Variants in TENT4B observed in about 807,000 individuals in gnomAD.
TENT4B encodes PAP associated domain containing 5.
Under a neutral mutation model 75.0 loss-of-function variants are expected in TENT4B, and 10 were observed. The observed-to-expected ratio is 0.13, with a 90% CI of 0.08 to 0.23. The LOEUF (loss-of-function observed/expected upper bound fraction) is 0.23. Ranked by LOEUF, TENT4B falls within the 10% of genes least tolerant of loss-of-function variation. The probability of loss-of-function intolerance (pLI) is 1.00; values close to 1 mark genes in which losing one functional copy is unlikely to be tolerated. For missense variants in TENT4B, 579 were observed against 893.8 expected, an observed-to-expected ratio of 0.65 and a Z score of 4.49; for synonymous variants, 350 against 357.7, an observed-to-expected ratio of 0.98 and a Z score of 0.24.
At chr16:50,186,977 T>C (rs2038540577) in intron 1 of TENT4B, among the ~76,000 whole-genome samples, 1 of 152,120 alleles carries the variant, frequency 6.6e-6, no homozygotes, top group African/African-American at 2.4e-5. Flanking sequence ...CCCAGGCTGG[T>C]CTTGAACTCC....
intron 1 of TENT4B, among the ~76,000 whole-genome samples, chr16:50,183,381 AT>A (rs2038460901): frequency 6.6e-6 from 1 of 151,150 alleles, no homozygotes; most frequent in African/African-American, 2.4e-5. Context: ...CGGTTGTGGG[AT>A]TTTTGCCTGG....
chr16:50,199,400 G>A (rs1008058300), intron 1 of TENT4B, among the ~76,000 whole-genome samples: 1 of 152,190 alleles, frequency 6.6e-6, no homozygotes, highest in East Asian at 1.9e-4. Flanking sequence ...ACTAGTGGGG[G>A]AGTAAGGGGA....
At chr16:50,211,819 G>A (rs1269982461) in intron 2 of TENT4B, among the ~76,000 whole-genome samples, 1 of 152,044 alleles carries the variant, frequency 6.6e-6, no homozygotes, top group African/African-American at 2.4e-5. Context: ...GCCTGCCAGG[G>A]TAAACATTAT....
Position 50,229,501 on chromosome 16 carries a change from AAAAAC to A in TENT4B, c.*188_*192del, listed in dbSNP as rs1381311553. The A allele has an allele frequency of 1.1e-5, 14 of 1,248,706 alleles. No individual in the cohort carries two copies. The South Asian group carries it at 2.2e-4, about 20-fold the overall frequency. 77.4% of individuals were successfully genotyped at this position (1,248,706 alleles called of 1,614,324 possible). A position where few individuals can be genotyped will look rare whatever the true frequency, so the allele number is the denominator to read the frequency against. On this transcript the variant is annotated 3_prime_UTR_variant, in exon 12 of 12. Coordinates refer to ENST00000561678, the MANE Select transcript of TENT4B (RefSeq NM_001365324.3). The stretch of plus-strand genomic sequence containing the variant: ...GATCATGAAGACTGACAACTGCAAA[AAAAAC>A]AAAACAAAACAAAAAAAAAAGCAAG...
intron 1 of TENT4B, among the ~76,000 whole-genome samples, chr16:50,207,061 GCT>G (rs943690380): frequency 2.0e-5 from 3 of 147,472 alleles, no homozygotes; most frequent in African/African-American, 5.0e-5. Flanking sequence ...TGTTTCTCTT[GCT>G]CTCTCTTTTT....
chr16:50,222,324 T>A lies in TENT4B; in HGVS notation c.1057T>A (p.Tyr353Asn), dbSNP rs1444912976. ...DFTKKYPVLP[Y>N]LVLVLKQFLL... ...TTTTCAGAAATATCCTGTATTGCCA[T>A]ACTTGGTTTTAGTATTGAAACAATT... The change falls in exon 6 of 12, where the codon TAC becomes AAC. Residue 353 changes from tyrosine (Y) to asparagine (N), a missense_variant. Physicochemically the swap from Tyr to Asn is moderately radical, Grantham distance 143 (BLOSUM62 -2). Around this residue, in one of 7 missense-constraint regions of TENT4B, gnomAD observed 71 missense variants for 210.6 expected, o/e 0.34. Transcript: ENST00000561678. 1 of 1,602,370 alleles carries A rather than the reference T, an allele frequency of 6.2e-7. No homozygotes were observed. Among genetic ancestry groups the A allele is most frequent in the Admixed American group, 1.7e-5 (1 of 58,094 alleles).
At chr16:50,152,967 A>C, upstream of TENT4B, 1 of 1,511,406 alleles carries the variant, frequency 6.6e-7, no homozygotes, top group Non-Finnish European at 8.8e-7. Context: ...GGCCTCGTCC[A>C]CGCTCAGCAC....
rs1234494473 is a variant in TENT4B, at chr16:50,222,411, T to C, written c.1144T>C (p.Leu382=). The C allele has an allele frequency of 9.9e-6, 16 of 1,613,558 alleles. No homozygotes were observed. The highest frequency in any genetic ancestry group is 1.3e-5 in the Non-Finnish European group (15 of 1,179,698). The stretch of plus-strand genomic sequence containing the variant: ...TGGAATTGGTTCTTATAGTCTCTTT[T>C]TAATGGCAGTCAGTTTCCTTCAGGT... ...TGGIGSYSLF[L]MAVSFLQLHP... The change falls in exon 6 of 12, where the codon TTA becomes CTA. Residue 382 remains leucine, a synonymous_variant. Coordinates refer to ENST00000561678, the MANE Select transcript of TENT4B (RefSeq NM_001365324.3).
rs1567468813 is a variant in TENT4B at position 50,153,513 on chromosome 16, A to AGCAGCAGCAGCG, written c.-104_-103insAGCAGCGGCAGC. The stretch of plus-strand genomic sequence containing the variant: ...GAGCAGCAGCAGCAGCAGCAGCGGC[A>AGCAGCAGCAGCG]GCAGCGGCAGCAGCAGCAGCAGCCG... On this transcript the variant is annotated 5_prime_UTR_variant, in exon 1 of 12. Coordinates refer to ENST00000561678, the MANE Select transcript of TENT4B (RefSeq NM_001365324.3). 2.3e-6 allele frequency: 2 copies of AGCAGCAGCAGCG among 854,884 alleles called. No homozygotes were observed. The highest frequency in any genetic ancestry group is 3.7e-5 in the African/African-American group (2 of 53,622). The allele number at this position is 854,884 out of a possible 1,614,324, so 53.0% of individuals were successfully genotyped here. A position where few individuals can be genotyped will look rare whatever the true frequency, so the allele number is the denominator to read the frequency against.
chr16:50,175,625 C>G (rs2038292651), intron 1 of TENT4B, among the ~76,000 whole-genome samples: 1 of 152,018 alleles, frequency 6.6e-6, no homozygotes, highest in Non-Finnish European at 1.5e-5. Context: ...GCACATGACA[C>G]CACGCCCAGC....
intron 1 of TENT4B, among the ~76,000 whole-genome samples, chr16:50,163,839 TTTTA>T (rs749076881): frequency 6.6e-6 from 1 of 152,188 alleles, no homozygotes; most frequent in East Asian, 1.9e-4. Flanking sequence ...AAGAGTTGGG[TTTTA>T]TTTGTTTATT....
intron 1 of TENT4B, among the ~76,000 whole-genome samples, chr16:50,171,475 A>G (rs527653572): frequency 6.6e-6 from 1 of 152,288 alleles, no homozygotes; most frequent in East Asian, 1.9e-4. Context: ...GTCAGTATCA[A>G]GGGATCACAG....
chr16:50,219,977 GCTAA>G (rs2031749063), intron 5 of TENT4B, among the ~76,000 whole-genome samples: 1 of 115,072 alleles, frequency 8.7e-6, no homozygotes, highest in South Asian at 3.2e-4. Context: ...ACCACACCTG[GCTAA>G]CTTTTTTTTT....
intron 1 of TENT4B, among the ~76,000 whole-genome samples, chr16:50,181,272 C>T (rs1469791728): frequency 2.6e-5 from 4 of 151,478 alleles, no homozygotes; most frequent in Admixed American, 6.6e-5. Context: ...AGACAGTGTG[C>T]CTTGAAATGC....
intron 1 of TENT4B, among the ~76,000 whole-genome samples, chr16:50,183,405 AGT>A (rs910539961): frequency 1.3e-5 from 2 of 149,692 alleles, no homozygotes; most frequent in African/African-American, 2.5e-5. Context: ...TGTTCATTGG[AGT>A]GTGTGTGTGT....
intron 1 of TENT4B, among the ~76,000 whole-genome samples, chr16:50,183,521 C>T (rs1481385371): frequency 2.5e-5 from 3 of 119,618 alleles, no homozygotes; most frequent in Admixed American, 8.5e-5. Context: ...CTTAAAAACC[C>T]TTTTTTTTTT....
At chr16:50,192,027 G>A (rs1167610525) in intron 1 of TENT4B, among the ~76,000 whole-genome samples, 1 of 151,838 alleles carries the variant, frequency 6.6e-6, no homozygotes, top group South Asian at 2.1e-4. Flanking sequence ...CAGATCACTG[G>A]GGTCAGGAGT....
intron 1 of TENT4B, among the ~76,000 whole-genome samples, chr16:50,210,283 C>T (rs1359187403): frequency 6.6e-6 from 1 of 152,240 alleles, no homozygotes; most frequent in African/African-American, 2.4e-5. Context: ...GTCCCCCGTC[C>T]TGACTATGTT....
intron 1 of TENT4B, among the ~76,000 whole-genome samples, chr16:50,158,443 A>G (rs952466535): frequency 3.3e-5 from 5 of 152,198 alleles, no homozygotes; most frequent in African/African-American, 1.2e-4. Flanking sequence ...GCTCCCCTCC[A>G]GAACTGGCCA....
Sources: gnomAD v4.1 joint callset for allele counts (sites outside exome capture counted in the v4.1 genomes callset) on GRCh38, gnomAD v4.1.1 for gene constraint, gnomAD v4.1.1 regional missense constraint, MANE v1.5 for transcripts, NCBI Gene and HGNC (gene_info 2026-07-23, HGNC 2026-07-21) for gene names.